Variants in EPHB2 observed in about 807,000 individuals in gnomAD.
EPHB2 encodes EPH receptor B2.
In EPHB2, 18 loss-of-function variants were observed where a neutral mutation model predicts 96.4. The observed-to-expected ratio is 0.19, with a 90% CI of 0.13 to 0.28. The LOEUF (loss-of-function observed/expected upper bound fraction) is 0.28. EPHB2 is among the 10% of genes least tolerant of loss of function. The pLI, the probability that EPHB2 is intolerant of heterozygous loss-of-function variation, is 1.00. For synonymous variants in EPHB2, 506 were observed against 534.1 expected (o/e 0.95, Z 0.72); for missense variants, 989 against 1,355.4 (o/e 0.73, Z 4.25).
intron 1 of EPHB2, among the ~76,000 whole-genome samples, chr1:22,717,323 GC>G (rs930032215): frequency 2.0e-5 from 3 of 152,112 alleles, no homozygotes; most frequent in Non-Finnish European, 4.4e-5. Flanking sequence ...TGATAAGGCT[GC>G]CTTGAAAGCA....
rs150424993 is a variant in EPHB2 at position 22,757,583 on chromosome 1, C to G, written c.62-23838C>G. 4.6e-3 allele frequency among the ~76,000 whole-genome samples: 701 copies of G among 152,246 alleles called. 3 individuals carry two copies. Among genetic ancestry groups the G allele is most frequent in the African/African-American group, 0.016 (663 of 41,534 alleles). The stretch of plus-strand genomic sequence containing the variant: ...TACCCTAAAGATATTAAAAATCGAC[C>G]AGGCGTGGTGCCTCATGCCTATAAT... On this transcript the variant is annotated intron_variant, in intron 1 of 15. Coordinates refer to ENST00000374630, the MANE Select transcript of EPHB2 (RefSeq NM_017449.5).
chr1:22,764,816 C>A (rs1490091725), intron 1 of EPHB2, among the ~76,000 whole-genome samples: 1 of 152,202 alleles, frequency 6.6e-6, no homozygotes, highest in Admixed American at 6.5e-5. Context: ...AGGCCATTTC[C>A]CTGGTGTTTG....
rs1557758093 is a variant in EPHB2, at chr1:22,916,239, TCTGGGGCCCCACATGGGG to T, written c.*2674_*2691del. ...TCTCCCCAGCCCACCCCCCAACTGTTCTGGGGCCCCACATGGGGCTGGCAGTCGGTGCTTCCCGTCAGA... is the reference window on the plus strand; with the variant it reads ...TCTCCCCAGCCCACCCCCCAACTGTTCTGGCAGTCGGTGCTTCCCGTCAGA... On this transcript the variant is annotated 3_prime_UTR_variant, in exon 16 of 16. Coordinates refer to ENST00000374630, the MANE Select transcript of EPHB2 (RefSeq NM_017449.5). The surrounding 1 kb of genome is among the most constrained non-coding windows in gnomAD (Gnocchi z 4.2). The T allele has an allele frequency of 2.6e-5, 4 of 152,340 alleles. No individual in the cohort carries two copies. The highest frequency in any genetic ancestry group is 4.4e-5 in the Non-Finnish European group (3 of 68,172). The allele number at this position is 152,340 out of a possible 1,614,324, so 9.4% of individuals were successfully genotyped here.
chr1:22,787,266 G>A (rs955626940), intron 3 of EPHB2, among the ~76,000 whole-genome samples: 58 of 152,338 alleles, frequency 3.8e-4, no homozygotes, highest in African/African-American at 1.3e-3. Context: ...TGAGTCTTGG[G>A]TGGGTGGCCC....
chr1:22,888,581 A>G (rs1474655645), intron 6 of EPHB2, among the ~76,000 whole-genome samples: 2 of 152,124 alleles, frequency 1.3e-5, no homozygotes, highest in Non-Finnish European at 2.9e-5. Flanking sequence ...TGCTCAGACT[A>G]AGGACTAGTG....
intron 1 of EPHB2, among the ~76,000 whole-genome samples, chr1:22,775,922 T>C (rs1339211986): frequency 6.6e-6 from 1 of 152,208 alleles, no homozygotes; most frequent in African/African-American, 2.4e-5. Context: ...AGCCAAGGTC[T>C]GGGAACCGGA....
intron 3 of EPHB2, among the ~76,000 whole-genome samples, chr1:22,796,317 G>A (rs1316269119): frequency 1.3e-5 from 2 of 152,202 alleles, no homozygotes; most frequent in Non-Finnish European, 2.9e-5. Context: ...GGGTGGGCTG[G>A]CCTGGGACTG....
chr1:22,741,197 A>G (rs932500521), intron 1 of EPHB2, among the ~76,000 whole-genome samples: 16 of 151,456 alleles, frequency 1.1e-4, no homozygotes, highest in African/African-American at 3.9e-4. Context: ...CTCTGATTCT[A>G]TCTAAGTGCC....
intron 3 of EPHB2, among the ~76,000 whole-genome samples, chr1:22,812,615 C>T (rs1307653577): frequency 6.6e-6 from 1 of 152,294 alleles, no homozygotes; most frequent in South Asian, 2.1e-4. Context: ...GGACGTGGCC[C>T]CACAGCCAGA....
chr1:22,833,439 T>C (rs1645336216), intron 3 of EPHB2, among the ~76,000 whole-genome samples: 5 of 152,050 alleles, frequency 3.3e-5, no homozygotes, highest in Admixed American at 3.3e-4. Flanking sequence ...ATTTTTGAAA[T>C]AGTAGGTGGA....
intron 3 of EPHB2, among the ~76,000 whole-genome samples, chr1:22,785,828 C>T (rs557431448): frequency 7.2e-5 from 11 of 152,224 alleles, no homozygotes; most frequent in Non-Finnish European, 1.6e-4. Context: ...ATGTGCTGAG[C>T]ACTTCTATGA....
At chr1:22,867,199 G>T (rs1638507692) in intron 5 of EPHB2, among the ~76,000 whole-genome samples, 1 of 152,218 alleles carries the variant, frequency 6.6e-6, no homozygotes, top group East Asian at 1.9e-4. Flanking sequence ...GATTGCGCAT[G>T]TAAGTCTGTG....
At chr1:22,761,912 G>A (rs546798562) in intron 1 of EPHB2, among the ~76,000 whole-genome samples, 11 of 152,374 alleles carry the variant, frequency 7.2e-5, no homozygotes, top group Admixed American at 1.3e-4. Context: ...GGAGGGGGGC[G>A]TCCACGTGTC....
At chr1:22,866,829 G>A (rs1299426959) in intron 5 of EPHB2, among the ~76,000 whole-genome samples, 1 of 152,144 alleles carries the variant, frequency 6.6e-6, no homozygotes, top group Non-Finnish European at 1.5e-5. Flanking sequence ...AGCTACTCAG[G>A]AGGCTGAGGC....
At chr1:22,883,723 G>C (rs1639125470) in intron 6 of EPHB2, among the ~76,000 whole-genome samples, 1 of 152,076 alleles carries the variant, frequency 6.6e-6, no homozygotes, top group African/African-American at 2.4e-5. Flanking sequence ...CGGTCTCCAG[G>C]GCCTTTCAAA....
chr1:22,882,645 G>T, intron 6 of EPHB2, 162 bp downstream of exon 6: 1 of 1,103,456 alleles, frequency 9.1e-7, no homozygotes, highest in Non-Finnish European at 1.3e-6. Context: ...ATCCAGCTCC[G>T]CTCCTTCCCA....
chr1:22,849,303 G>T lies in EPHB2; in HGVS notation c.812-13734G>T, dbSNP rs535195928. ...CCCTAAAGTGATCCCTCTGAGGACC[G>T]ATCTCAGCCCTTGTCCGTCTCCTTC... On this transcript the variant is annotated intron_variant, in intron 3 of 15. Transcript: ENST00000374630. Among the ~76,000 whole-genome samples the T allele has an allele frequency of 2.6e-5, 4 of 152,242 alleles. No individual in the cohort carries two copies. The South Asian group carries it at 8.3e-4, about 32-fold the overall frequency.
intron 3 of EPHB2, among the ~76,000 whole-genome samples, chr1:22,788,759 T>G (rs143989625): frequency 0.68 from 97,200 of 142,638 alleles, 35,617 homozygotes; most frequent in Non-Finnish European, 0.84. Context: ...TTTTGTTTTT[T>G]TTTTTTTTTT....
intron 9 of EPHB2, among the ~76,000 whole-genome samples, chr1:22,902,948 T>A (rs535127283): frequency 8.5e-5 from 13 of 152,216 alleles, no homozygotes; most frequent in Middle Eastern, 3.4e-3. Context: ...GAGAGAGTGT[T>A]CCAGGTAGAG....
Sources: gnomAD v4.1 joint callset for allele counts (sites outside exome capture counted in the v4.1 genomes callset) on GRCh38, gnomAD v4.1.1 for gene constraint, Gnocchi (gnomAD v3.1) non-coding constraint, MANE v1.5 for transcripts, NCBI Gene and HGNC (gene_info 2026-07-23, HGNC 2026-07-21) for gene names.